Variants in CHD7 observed in about 807,000 individuals in gnomAD.
CHD7 encodes the protein ATP-dependent chromatin remodeler CHD7.
A neutral mutation model predicts 307.3 loss-of-function variants in CHD7; 24 were observed. That is an observed-to-expected ratio of 0.08 (90% CI 0.06 to 0.11). CHD7 has a LOEUF of 0.11. Among genes scored for constraint, CHD7 ranks in the 10% least tolerant of loss-of-function variants. The probability of loss-of-function intolerance (pLI) is 1.00; values close to 1 mark genes in which losing one functional copy is unlikely to be tolerated. For synonymous variants in CHD7, 1,363 were observed against 1,349.9 expected, an observed-to-expected ratio of 1.01 and a Z score of -0.21; for missense variants, 3,106 against 3,727.1, an observed-to-expected ratio of 0.83 and a Z score of 4.34.
intron 1 of CHD7, among the ~76,000 whole-genome samples, chr8:60,686,534 C>T (rs1805901324): frequency 6.6e-6 from 1 of 152,166 alleles, no homozygotes; most frequent in Non-Finnish European, 1.5e-5. Flanking sequence ...CCTGCCTTCT[C>T]TCCTGGCATC....
At chr8:60,831,835 A>G (rs1279380118) in intron 15 of CHD7, among the ~76,000 whole-genome samples, 1 of 152,238 alleles carries the variant, frequency 6.6e-6, no homozygotes, top group African/African-American at 2.4e-5. Context: ...GTTCAAGGAC[A>G]GCTAATTTAA....
rs143326420 is a variant in CHD7, at chr8:60,754,070, G to T, written c.1665+10973G>T. ...TGTCAGTTTATTTCTTTCATTTAAT[G>T]TTTTCTCTGTCATTTTTTAAGCCTC... On this transcript the variant is annotated intron_variant, in intron 2 of 37. Coordinates refer to ENST00000423902, the MANE Select transcript of CHD7 (RefSeq NM_017780.4). 9.1e-4 allele frequency among the ~76,000 whole-genome samples: 139 copies of T among 152,182 alleles called. 1 individual carries two copies. The highest frequency in any genetic ancestry group is 3.2e-3 in the African/African-American group (131 of 41,518).
At chr8:60,833,708 A>G (rs1046433298) in intron 15 of CHD7, among the ~76,000 whole-genome samples, 26 of 152,240 alleles carry the variant, frequency 1.7e-4, no homozygotes, top group African/African-American at 4.8e-4. Context: ...CCAGCCATAC[A>G]TTAATTTAGG....
intron 3 of CHD7, among the ~76,000 whole-genome samples, chr8:60,789,425 C>T (rs544345143): frequency 1.3e-4 from 20 of 152,318 alleles, no homozygotes; most frequent in Middle Eastern, 6.8e-3. Context: ...TTCTCATGAC[C>T]TAAGCCTCAA....
intron 1 of CHD7, among the ~76,000 whole-genome samples, chr8:60,680,848 C>T (rs1409007317): frequency 6.6e-6 from 1 of 152,220 alleles, no homozygotes; most frequent in Non-Finnish European, 1.5e-5. Flanking sequence ...TGTATATTAT[C>T]TAGCAATCGA....
At chr8:60,855,882 T>G in intron 32 of CHD7, 93 bp from the exon 33 acceptor site, 1 of 818,302 alleles carries the variant, frequency 1.2e-6, no homozygotes, top group East Asian at 2.7e-5. Context: ...TTTTAAACAT[T>G]TTATGCTCTT....
intron 2 of CHD7, among the ~76,000 whole-genome samples, chr8:60,760,572 G>GA (rs1279164378): frequency 6.8e-6 from 1 of 146,010 alleles, no homozygotes; most frequent in African/African-American, 2.5e-5. Flanking sequence ...CAAAATGGGA[G>GA]AAAATTTTCA....
chr8:60,785,389 A>G (rs1041240450), intron 3 of CHD7, among the ~76,000 whole-genome samples: 2 of 152,230 alleles, frequency 1.3e-5, no homozygotes, highest in African/African-American at 4.8e-5. Flanking sequence ...TTATTTTTCA[A>G]TTAAGAGTGA....
At chr8:60,693,026 T>C (rs756580982) in intron 1 of CHD7, among the ~76,000 whole-genome samples, 6 of 152,238 alleles carry the variant, frequency 3.9e-5, no homozygotes, top group Non-Finnish European at 7.3e-5. Flanking sequence ...AGTGTGAAAC[T>C]TCAAGCCCAG....
chr8:60,723,114 A>T (rs541968653), intron 1 of CHD7, among the ~76,000 whole-genome samples: 153 of 152,050 alleles, frequency 1.0e-3, no homozygotes, highest in Middle Eastern at 6.8e-3. Context: ...TATTTTTTTT[A>T]AATTTGTATT....
At chr8:60,822,875 G>T in intron 12 of CHD7, 129 bp downstream of exon 12, 1 of 668,928 alleles carries the variant, frequency 1.5e-6, no homozygotes, top group Admixed American at 2.9e-5. Context: ...TTAGATATCT[G>T]ACTCAATTTA....
At chr8:60,797,071 T>G (rs1812069083) in intron 4 of CHD7, among the ~76,000 whole-genome samples, 1 of 152,218 alleles carries the variant, frequency 6.6e-6, no homozygotes, top group Non-Finnish European at 1.5e-5. Context: ...AGTTTTGAAT[T>G]ATGGTTTAAA....
intron 1 of CHD7, among the ~76,000 whole-genome samples, chr8:60,699,398 A>T (rs1806644794): frequency 6.6e-6 from 1 of 152,224 alleles, no homozygotes; most frequent in Admixed American, 6.5e-5. Flanking sequence ...CCAACAAATT[A>T]TGTGATCATC....
At chr8:60,831,376 G>A (rs1396369547) in intron 15 of CHD7, among the ~76,000 whole-genome samples, 1 of 151,970 alleles carries the variant, frequency 6.6e-6, no homozygotes, top group Non-Finnish European at 1.5e-5. Context: ...AAGATGTTTA[G>A]GCTGAAGTAA....
At chr8:60,720,717 C>T (rs978132075) in intron 1 of CHD7, among the ~76,000 whole-genome samples, 5 of 152,320 alleles carry the variant, frequency 3.3e-5, no homozygotes, top group East Asian at 3.9e-4. Flanking sequence ...CCATTGCTGC[C>T]GCTTACCAGC....
rs186394299 is a variant in CHD7, at chr8:60,742,851, G to C, written c.1419G>C (p.Gly473=). ...CCTCGGCACCAAGGGAATTGACTGGGCACATGAGGCCAAATGGTTGTCCTG... is the reference window on the plus strand; with the variant it reads ...CCTCGGCACCAAGGGAATTGACTGGCCACATGAGGCCAAATGGTTGTCCTG... ...GMSSAPRELT[G]HMRPNGCPGV... The change falls in exon 2 of 38, where the codon GGG becomes GGC. Residue 473 remains glycine (G), a synonymous_variant. Coordinates refer to ENST00000423902, the MANE Select transcript of CHD7 (RefSeq NM_017780.4). The C allele has an allele frequency of 1.1e-3, 1,853 of 1,612,716 alleles. 15 individuals carry two copies. The highest frequency in any genetic ancestry group is 5.8e-3 in the Middle Eastern group (35 of 6,062).
chr8:60,845,282 G>A lies in CHD7; in HGVS notation c.5083G>A (p.Gly1695Arg). 6.2e-7 allele frequency: 1 copy of A among 1,613,362 alleles called. No homozygotes were observed. The highest frequency in any genetic ancestry group is 8.5e-7 in the Non-Finnish European group (1 of 1,179,414). Residue 1695 changes from glycine to arginine, a missense_variant, in exon 23 of 38, where the codon GGA (glycine) becomes AGA (arginine). By Grantham distance (125) the Gly-to-Arg change is moderately radical. Coordinates refer to ENST00000423902, the MANE Select transcript of CHD7 (RefSeq NM_017780.4). ...AGCTCCTGTGCCAAGGGGAAGGAAG[G>A]GAAAGAAGGTGAAAGCCCAGAGCAC... ...LSAPVPRGRK[G>R]KKVKAQSTQP...
At chr8:60,860,528 G>C (rs1479726054) in intron 34 of CHD7, among the ~76,000 whole-genome samples, 3 of 152,224 alleles carry the variant, frequency 2.0e-5, no homozygotes, top group African/African-American at 7.2e-5. Flanking sequence ...TCTACCTCCT[G>C]ATTTCAAGTG....
chr8:60,811,366 T>G (rs1382662191), intron 7 of CHD7, among the ~76,000 whole-genome samples: 1 of 152,202 alleles, frequency 6.6e-6, no homozygotes, highest in Non-Finnish European at 1.5e-5. Flanking sequence ...TTTCTGTAAT[T>G]TTTGGCATGA....
Sources: gnomAD v4.1 joint callset for allele counts (sites outside exome capture counted in the v4.1 genomes callset) on GRCh38, gnomAD v4.1.1 for gene constraint, MANE v1.5 for transcripts, NCBI Gene and HGNC (gene_info 2026-07-23, HGNC 2026-07-21) for gene names.